PRKCZ: variants seen among roughly 807,000 people sequenced by gnomAD.
PRKCZ encodes protein kinase C zeta type.
A neutral mutation model predicts 79.5 loss-of-function variants in PRKCZ; 33 were observed. The ratio of observed to expected loss-of-function variants is 0.41; its 90% CI spans 0.31 to 0.55. The LOEUF is 0.55. PRKCZ is among the 20% of genes least tolerant of loss of function. The pLI, the probability that PRKCZ is intolerant of heterozygous loss-of-function variation, is 0.19. For missense variants in PRKCZ, 578 were observed against 813.5 expected (o/e 0.71, Z 3.52); for synonymous variants, 342 against 320.9 (o/e 1.07, Z -0.70).
Position 2,128,517 on chromosome 1 carries a change from C to A in PRKCZ, c.335-6745C>A, listed in dbSNP as rs1167164776. Among the ~76,000 whole-genome samples the A allele has an allele frequency of 5.9e-5, 9 of 152,220 alleles. No homozygotes were observed. Among genetic ancestry groups the A allele is most frequent in the Non-Finnish European group, 8.8e-5 (6 of 68,038 alleles). ...CATGGAAACTGAGCTCCTTAGAATT[C>A]CTGTGGCCGTCCTAATTATAGAATC... On this transcript the variant is annotated intron_variant, in intron 4 of 17. Coordinates refer to ENST00000378567, the MANE Select transcript of PRKCZ (RefSeq NM_002744.6). The surrounding 1 kb of genome is among the most constrained non-coding windows in gnomAD (Gnocchi z 6.5).
chr1:2,101,824 A>G lies in PRKCZ; in HGVS notation c.335-33438A>G, dbSNP rs551025663. On this transcript the variant is annotated intron_variant, in intron 4 of 17. Transcript: ENST00000378567. ...CAGAGGCGTAGTGGATGCGTGATCG[A>G]GACGCACAGTAGACACGCAAGGATA... Among the ~76,000 whole-genome samples, 7 of 152,326 alleles carry G rather than the reference A, an allele frequency of 4.6e-5. No individual in the cohort carries two copies. In the East Asian group the frequency reaches 1.3e-3, roughly 29 times the overall value.
chr1:2,179,892 G>A (rs1485654038), intron 16 of PRKCZ, among the ~76,000 whole-genome samples: 4 of 152,212 alleles, frequency 2.6e-5, no homozygotes, highest in African/African-American at 7.2e-5. Flanking sequence ...AGGAGCCGGC[G>A]GCAGGGAGGG....
intron 4 of PRKCZ, among the ~76,000 whole-genome samples, chr1:2,106,598 C>T (rs1274034217): frequency 2.2e-5 from 1 of 44,482 alleles, no homozygotes; most frequent in Non-Finnish European, 4.9e-5. Context: ...GGGCGAGGAC[C>T]TCCACACGTG....
At chr1:2,078,809 G>A (rs531289208) in intron 4 of PRKCZ, among the ~76,000 whole-genome samples, 15 of 149,718 alleles carry the variant, frequency 1.0e-4, no homozygotes, top group Non-Finnish European at 1.8e-4. Flanking sequence ...CCTTGTTCCC[G>A]TTCTTGTCTT....
At position 2,184,612 on chromosome 1, in the gene PRKCZ, C is replaced by T; in HGVS notation, c.1605C>T (p.Phe535=). 2.5e-6 allele frequency: 4 copies of T among 1,614,048 alleles called. No individual in the cohort carries two copies. Among genetic ancestry groups the T allele is most frequent in the Non-Finnish European group, 3.4e-6 (4 of 1,180,008 alleles). ...AGAAGAAGCAGGCGCTCCCTCCATTCCAGCCACAGATCACAGACGACTACG... is the reference window on the plus strand; with the variant it reads ...AGAAGAAGCAGGCGCTCCCTCCATTTCAGCCACAGATCACAGACGACTACG... The part of the protein sequence containing the change: ...LLEKKQALPP[F]QPQITDDYGL... Residue 535 remains phenylalanine (F), a synonymous_variant, in exon 17 of 18, where the codon TTC becomes TTT. Transcript: ENST00000378567.
Position 2,059,073 on chromosome 1 carries a change from G to A in PRKCZ, c.284-468G>A, listed in dbSNP as rs559669441. On this transcript the variant is annotated intron_variant, in intron 3 of 17. Coordinates refer to ENST00000378567, the MANE Select transcript of PRKCZ (RefSeq NM_002744.6). ...GCCTCCCAAAGTGCTGGGATTGCAG[G>A]CGTGAGCCATCATGTCCAGCCAAGT... Among the ~76,000 whole-genome samples the A allele has an allele frequency of 1.9e-4, 29 of 152,278 alleles. 3 individuals are homozygous for A. The South Asian group carries it at 5.8e-3, about 31-fold the overall frequency.
At chr1:2,136,417 C>T (rs1158703850) in intron 5 of PRKCZ, among the ~76,000 whole-genome samples, 2 of 152,114 alleles carry the variant, frequency 1.3e-5, no homozygotes, top group Non-Finnish European at 2.9e-5. Flanking sequence ...ACTAGGAAGA[C>T]CTGGACATTG....
chr1:2,076,324 G>A (rs188659739), intron 4 of PRKCZ, among the ~76,000 whole-genome samples: 102 of 152,302 alleles, frequency 6.7e-4, no homozygotes, highest in Non-Finnish European at 1.1e-3. Context: ...TGCGGCCACT[G>A]CTCCCACCGT....
intron 4 of PRKCZ, among the ~76,000 whole-genome samples, chr1:2,084,318 G>A (rs537368340): frequency 4.6e-5 from 7 of 152,176 alleles, no homozygotes; most frequent in East Asian, 1.9e-4. Flanking sequence ...CTTCCTAAGC[G>A]CAGTGGAAAA....
At chr1:2,161,552 C>T (rs1314877321) in intron 10 of PRKCZ, among the ~76,000 whole-genome samples, 1 of 152,226 alleles carries the variant, frequency 6.6e-6, no homozygotes, top group Non-Finnish European at 1.5e-5. Flanking sequence ...TGTGGTGTCA[C>T]AGGCCACACA....
At chr1:2,154,846 A>C (rs1441091831) in intron 9 of PRKCZ, among the ~76,000 whole-genome samples, 1 of 152,232 alleles carries the variant, frequency 6.6e-6, no homozygotes, top group African/African-American at 2.4e-5. Context: ...GCTGAACTGC[A>C]GCATGAATTG....
At chr1:2,110,859 G>A (rs1181324322) in intron 4 of PRKCZ, among the ~76,000 whole-genome samples, 3 of 152,084 alleles carry the variant, frequency 2.0e-5, no homozygotes, top group African/African-American at 7.2e-5. Flanking sequence ...GGTGACAGTG[G>A]ACTCTGTGGG....
At chr1:2,148,794 A>G in intron 7 of PRKCZ, 78 bp from the exon 8 acceptor site, 1 of 1,425,050 alleles carries the variant, frequency 7.0e-7, no homozygotes. Context: ...CAGAGGAGCA[A>G]GGTCCACAGG....
chr1:2,158,386 C>G (rs145154621), intron 10 of PRKCZ, among the ~76,000 whole-genome samples: 142 of 152,342 alleles, frequency 9.3e-4, no homozygotes, highest in Admixed American at 2.9e-3. Flanking sequence ...TTGTGGTGAC[C>G]AGGCCCCAGT....
At chr1:2,064,580 C>T (rs1176913649) in intron 4 of PRKCZ, among the ~76,000 whole-genome samples, 1 of 152,178 alleles carries the variant, frequency 6.6e-6, no homozygotes, top group Non-Finnish European at 1.5e-5. Flanking sequence ...CATTCCTTTG[C>T]ATGTGGAGGT....
chr1:2,056,455 A>G (rs1660171091), intron 2 of PRKCZ, 29 bp from the exon 3 acceptor site: 2 of 1,600,752 alleles, frequency 1.2e-6, no homozygotes, highest in Non-Finnish European at 1.7e-6. Context: ...GCCTTCGGCG[A>G]CGTCAGCACC....
intron 4 of PRKCZ, among the ~76,000 whole-genome samples, chr1:2,101,262 G>A (rs1667396400): frequency 6.6e-6 from 1 of 152,158 alleles, no homozygotes; most frequent in South Asian, 2.1e-4. Context: ...TACTAAAGCT[G>A]TCTTGCATCT....
chr1:2,171,764 G>T (rs957938939), intron 11 of PRKCZ: 4 of 392,464 alleles, frequency 1.0e-5, no homozygotes, highest in African/African-American at 2.1e-5. Flanking sequence ...GGTCTTTCCC[G>T]CATGGAAGCT....
intron 4 of PRKCZ, among the ~76,000 whole-genome samples, chr1:2,115,326 C>T (rs951838235): frequency 1.6e-4 from 25 of 152,226 alleles, no homozygotes; most frequent in South Asian, 4.1e-4. Context: ...CACAGACATC[C>T]GAGCGCCTTC....
Sources: allele counts gnomAD v4.1 joint callset (sites outside exome capture counted in the v4.1 genomes callset), GRCh38; gene constraint gnomAD v4.1.1; non-coding constraint Gnocchi (gnomAD v3.1); transcripts MANE v1.5; gene names NCBI Gene and HGNC (gene_info 2026-07-23, HGNC 2026-07-21).